Variants in ZNF777 observed in about 807,000 individuals in gnomAD.
ZNF777 encodes zinc finger protein 777.
In ZNF777, 7 loss-of-function variants were observed where a neutral mutation model predicts 72.1. The ratio of observed to expected loss-of-function variants is 0.10; its 90% confidence interval spans 0.06 to 0.18. ZNF777 has a LOEUF of 0.18. Among genes scored for constraint, ZNF777 ranks in the 10% least tolerant of loss-of-function variants. The pLI is 1.00. For missense variants in ZNF777, 828 were observed against 1,128.6 expected (o/e 0.73, Z 3.82); for synonymous variants, 545 against 483.5 (o/e 1.13, Z -1.67).
At chr7:149,433,575 C>T (rs550743097) in intron 5 of ZNF777, among the ~76,000 whole-genome samples, 4 of 152,226 alleles carry the variant, frequency 2.6e-5, no homozygotes, top group Non-Finnish European at 5.9e-5. Context: ...AAATTTCCCT[C>T]TCCTCTCCAT....
intron 3 of ZNF777, among the ~76,000 whole-genome samples, chr7:149,452,848 T>C (rs910071878): frequency 6.6e-6 from 1 of 152,174 alleles, no homozygotes; most frequent in African/African-American, 2.4e-5. Context: ...TACTTGGCAA[T>C]CCCACTTCTT....
intron 5 of ZNF777, among the ~76,000 whole-genome samples, chr7:149,435,009 C>T (rs1799387282): frequency 6.6e-6 from 1 of 152,184 alleles, no homozygotes; most frequent in Admixed American, 6.5e-5. Context: ...TTAATGGGGA[C>T]TGCTCAAAAG....
At chr7:149,433,020 C>T in intron 5 of ZNF777, 88 bp from the exon 6 acceptor site, 1 of 1,421,646 alleles carries the variant, frequency 7.0e-7, no homozygotes, top group Non-Finnish European at 9.2e-7. Context: ...GCTTCACCCT[C>T]ACCAAAACAT....
In ZNF777 at chr7:149,431,747, T is replaced by G; in HGVS notation, c.*29A>C. ...CGAGGGGGGGCACGGCCCGCGCACC[T>G]GGCCGGGCGGCGGCGGCGGGGCGCG... On this transcript the variant is annotated 3_prime_UTR_variant, in exon 6 of 6. Coordinates refer to ENST00000247930, the MANE Select transcript of ZNF777 (RefSeq NM_015694.3). 1 of 1,406,300 alleles carries G rather than the reference T, an allele frequency of 7.1e-7. No individual in the cohort carries two copies. Among genetic ancestry groups the G allele is most frequent in the Non-Finnish European group, 9.2e-7 (1 of 1,088,448 alleles). The allele number at this position is 1,406,300 out of a possible 1,614,324, so 87.1% of individuals were successfully genotyped here.
At chr7:149,459,967 C>G (rs1799914395) in intron 1 of ZNF777, 1 of 930,052 alleles carries the variant, frequency 1.1e-6, no homozygotes, top group African/African-American at 1.8e-5. Context: ...GGTCAAGACG[C>G]GCGGGCCCCC....
chr7:149,450,928 C>T (rs1799700743), intron 4 of ZNF777, 71 bp downstream of exon 4: 2 of 1,391,926 alleles, frequency 1.4e-6, no homozygotes, highest in South Asian at 1.2e-5. Flanking sequence ...GATTGTGCTG[C>T]CTCATGCTGG....
At position 149,431,781 on chromosome 7, in the gene ZNF777, C is replaced by A; in HGVS notation, c.2491G>T (p.Glu831Ter). 1 of 1,585,832 alleles carries A rather than the reference C, an allele frequency of 6.3e-7. No homozygotes were observed. The highest frequency in any genetic ancestry group is 1.7e-5 in the Admixed American group (1 of 57,866). Residue 831 changes from glutamate (E) to a stop codon, truncating the protein, a stop_gained, in exon 6 of 6, where the codon GAG becomes TAG. Coordinates refer to ENST00000247930, the MANE Select transcript of ZNF777 (RefSeq NM_015694.3). LOFTEE classifies it high-confidence loss of function. ...GGCGGCGGCGGGGCGCGCGCTCACT[C>A]GCCCGTGTGGGTCCGCAGGTGGTAC... is the stretch of plus-strand genomic sequence containing the variant. ...LKYHLRTHTG[E>*]
chr7:149,446,375 CA>C (rs1055733246), intron 4 of ZNF777, among the ~76,000 whole-genome samples: 13 of 145,238 alleles, frequency 9.0e-5, no homozygotes, highest in South Asian at 2.2e-4. Context: ...AACTCCATCT[CA>C]AAAAAAAAAG....
Position 149,439,806 on chromosome 7 carries a change from A to T in ZNF777, c.1088-2980T>A, listed in dbSNP as rs916947478. 2.0e-5 allele frequency among the ~76,000 whole-genome samples: 3 copies of T among 152,182 alleles called. No individual in the cohort carries two copies. In the East Asian group the frequency reaches 5.8e-4, roughly 29 times the overall value. Reference sequence around the variant, plus strand: ...TTTCTGGCTTAAGTTATCCTTAGTGATTATCACTATAGAATGATAAATAAT... The same window carrying T: ...TTTCTGGCTTAAGTTATCCTTAGTGTTTATCACTATAGAATGATAAATAAT... On this transcript the variant is annotated intron_variant, in intron 4 of 5. Coordinates refer to ENST00000247930, the MANE Select transcript of ZNF777 (RefSeq NM_015694.3).
At chr7:149,454,793 G>A (rs1285142542) in intron 2 of ZNF777, among the ~76,000 whole-genome samples, 1 of 152,210 alleles carries the variant, frequency 6.6e-6, no homozygotes, top group Non-Finnish European at 1.5e-5. Flanking sequence ...TCATAAAAAT[G>A]TGGAGTGGGA....
chr7:149,432,607 G>A lies in ZNF777; in HGVS notation c.1665C>T (p.Phe555=), dbSNP rs549811811. The A allele has an allele frequency of 4.3e-6, 7 of 1,613,866 alleles. No individual in the cohort carries two copies. The African/African-American group carries it at 8.0e-5, about 18-fold the overall frequency. ...PFTCMECGKS[F]RLKINLIIHQ... ...GGATGATGAGGTTGATCTTCAGGCG[G>A]AAGCTCTTGCCGCACTCCATGCATG... is the stretch of plus-strand genomic sequence containing the variant. The change falls in exon 6 of 6, where the codon TTC becomes TTT. Residue 555 remains phenylalanine (F), a synonymous_variant. Coordinates refer to ENST00000247930, the MANE Select transcript of ZNF777 (RefSeq NM_015694.3).
Position 149,436,914 on chromosome 7 carries a change from C to A in ZNF777, c.1088-88G>T, listed in dbSNP as rs1022944565. 8.1e-6 allele frequency: 12 copies of A among 1,479,992 alleles called. No individual in the cohort carries two copies. The highest frequency in any genetic ancestry group is 1.1e-5 in the Non-Finnish European group (12 of 1,089,908). The allele number at this position is 1,479,992 out of a possible 1,614,324, so 91.7% of individuals were successfully genotyped here. On this transcript the variant is annotated intron_variant, in intron 4 of 5. Transcript: ENST00000247930. The surrounding 1 kb of genome is among the most constrained non-coding windows in gnomAD (Gnocchi z 5.0). Reference sequence around the variant, plus strand: ...CAGGTTTCTGCAGCCCTACAATTTACATCTCAATAAGTCTTATCTTAGAGA... The same window carrying A: ...CAGGTTTCTGCAGCCCTACAATTTAAATCTCAATAAGTCTTATCTTAGAGA...
Position 149,436,912 on chromosome 7 carries a change from T to A in ZNF777, c.1088-86A>T. 6.8e-7 allele frequency: 1 copy of A among 1,478,174 alleles called. No homozygotes were observed. The highest frequency in any genetic ancestry group is 9.2e-7 in the Non-Finnish European group (1 of 1,087,998). 91.6% of individuals were successfully genotyped at this position (1,478,174 alleles called of 1,614,324 possible). A position where few individuals can be genotyped will look rare whatever the true frequency, so the allele number is the denominator to read the frequency against. The stretch of plus-strand genomic sequence containing the variant: ...CCCAGGTTTCTGCAGCCCTACAATT[T>A]ACATCTCAATAAGTCTTATCTTAGA... On this transcript the variant is annotated intron_variant, in intron 4 of 5. Coordinates refer to ENST00000247930, the MANE Select transcript of ZNF777 (RefSeq NM_015694.3). The surrounding 1 kb of genome is among the most constrained non-coding windows in gnomAD (Gnocchi z 5.0).
At chr7:149,443,221 A>C (rs1799553604) in intron 4 of ZNF777, among the ~76,000 whole-genome samples, 1 of 129,142 alleles carries the variant, frequency 7.7e-6, no homozygotes, top group African/African-American at 3.0e-5. Context: ...AGAACACGAC[A>C]AATTTATATA....
At chr7:149,447,651 G>C (rs1159373440) in intron 4 of ZNF777, among the ~76,000 whole-genome samples, 1 of 152,194 alleles carries the variant, frequency 6.6e-6, no homozygotes, top group African/African-American at 2.4e-5. Context: ...CCTGCAAGTA[G>C]TCTCCTAGCT....
chr7:149,452,413 A>C (rs1799739029), intron 3 of ZNF777, among the ~76,000 whole-genome samples: 1 of 152,048 alleles, frequency 6.6e-6, no homozygotes, highest in Non-Finnish European at 1.5e-5. Context: ...GCTGGATCAC[A>C]AGGTCAGGAA....
intron 5 of ZNF777, among the ~76,000 whole-genome samples, chr7:149,435,858 G>A (rs1000355940): frequency 6.6e-6 from 1 of 152,044 alleles, no homozygotes; most frequent in South Asian, 2.1e-4. Flanking sequence ...TTCAAGAAAA[G>A]GTTCATTTCA....
chr7:149,448,597 A>ATATATAT, intron 4 of ZNF777, among the ~76,000 whole-genome samples: 1 of 144,056 alleles, frequency 6.9e-6, no homozygotes, highest in Non-Finnish European at 1.5e-5. Context: ...ATATATATAT[A>ATATATAT]TATATATATA....
At chr7:149,446,302 G>A (rs941463157) in intron 4 of ZNF777, among the ~76,000 whole-genome samples, 38 of 152,094 alleles carry the variant, frequency 2.5e-4, no homozygotes, top group African/African-American at 8.5e-4. Flanking sequence ...CTTGTATCCT[G>A]GAGGCGGAGG....
Sources: gnomAD v4.1 joint callset for allele counts (sites outside exome capture counted in the v4.1 genomes callset) on GRCh38, gnomAD v4.1.1 for gene constraint, Gnocchi (gnomAD v3.1) non-coding constraint, MANE v1.5 for transcripts, NCBI Gene and HGNC (gene_info 2026-07-23, HGNC 2026-07-21) for gene names.